The following RC3H1 variants were observed in gnomAD, a reference collection of about 807,000 sequenced individuals.
RC3H1 encodes the protein roquin-1.
RC3H1 carries 50 observed loss-of-function variants against 138.2 expected under a neutral mutation model. The ratio of observed to expected loss-of-function variants is 0.36; its 90% CI spans 0.29 to 0.46. RC3H1 has a LOEUF of 0.46. Among genes scored for constraint, RC3H1 ranks in the 20% least tolerant of loss-of-function variants. RC3H1 has a pLI of 1.00. For missense variants in RC3H1, 1,031 were observed against 1,388.1 expected (o/e 0.74, Z 4.09); for synonymous variants, 462 against 489.1 (o/e 0.94, Z 0.73).
At chr1:173,980,756 AT>A in intron 6 of RC3H1, 52 bp downstream of exon 6, 1 of 1,380,336 alleles carries the variant, frequency 7.2e-7, no homozygotes, top group Non-Finnish European at 1.0e-6. Flanking sequence ...TGTTAAATGA[AT>A]TACCAAAATG....
chr1:173,958,674 A>G (rs1264662680), intron 13 of RC3H1, among the ~76,000 whole-genome samples: 2 of 152,204 alleles, frequency 1.3e-5, no homozygotes, highest in Non-Finnish European at 2.9e-5. Context: ...CCATCTAGAC[A>G]TTAAGATAAT....
In RC3H1 at chr1:173,964,002, G is replaced by A. The variant is rs369067984; in HGVS notation, c.1802C>T (p.Pro601Leu). The A allele has an allele frequency of 4.1e-5, 66 of 1,613,966 alleles. No homozygotes were observed. Among genetic ancestry groups the A allele is most frequent in the South Asian group, 1.8e-4 (16 of 91,070 alleles). The change falls in exon 11 of 20, where the codon CCG becomes CTG. Residue 601 changes from proline (P) to leucine (L), a missense_variant. Transcript: ENST00000367696. ...VYYQDPRGAA[P>L]PFEPAPYQQG... is the part of the protein sequence containing the mutation. ...CTGATAAGGTGCTGGTTCAAATGGCGGAGCTGCTCCTCGAGGATCCTGATA... is the reference window on the plus strand; with the variant it reads ...CTGATAAGGTGCTGGTTCAAATGGCAGAGCTGCTCCTCGAGGATCCTGATA...
At chr1:173,964,235 G>A in intron 10 of RC3H1, 48 bp from the exon 11 acceptor site, 1 of 1,396,220 alleles carries the variant, frequency 7.2e-7, no homozygotes, top group Non-Finnish European at 1.0e-6. Flanking sequence ...CTTCTCATGT[G>A]CATAAATTGT....
chr1:173,940,971 GC>G (rs1658830758), intron 19 of RC3H1, among the ~76,000 whole-genome samples: 1 of 151,960 alleles, frequency 6.6e-6, no homozygotes, highest in Admixed American at 6.6e-5. Flanking sequence ...ACAGGCACAT[GC>G]CACCACACCA....
At chr1:174,015,224 A>G (rs1661838784) in intron 1 of RC3H1, among the ~76,000 whole-genome samples, 1 of 150,626 alleles carries the variant, frequency 6.6e-6, no homozygotes, top group Non-Finnish European at 1.5e-5. Flanking sequence ...GATTTAGTTC[A>G]TTAATTTTTC....
intron 18 of RC3H1, 87 bp downstream of exon 18, chr1:173,943,355 G>A (rs1658990704): frequency 1.5e-6 from 2 of 1,352,574 alleles, no homozygotes; most frequent in Non-Finnish European, 2.0e-6. Flanking sequence ...GTGCCTTGAA[G>A]TGATGATTCT....
chr1:173,961,678 A>G, intron 12 of RC3H1, 47 bp downstream of exon 12: 2 of 1,539,088 alleles, frequency 1.3e-6, no homozygotes, highest in Non-Finnish European at 1.8e-6. Context: ...AATCACAGCA[A>G]GCAACAGTCA....
chr1:173,967,819 T>C (rs1660186482), intron 9 of RC3H1, among the ~76,000 whole-genome samples: 1 of 152,220 alleles, frequency 6.6e-6, no homozygotes, highest in Non-Finnish European at 1.5e-5. Flanking sequence ...TCTTTTCCTT[T>C]ATGGATGCTG....
intron 1 of RC3H1, among the ~76,000 whole-genome samples, chr1:173,997,719 A>G (rs1483513654): frequency 6.6e-6 from 1 of 152,196 alleles, no homozygotes; most frequent in Non-Finnish European, 1.5e-5. Flanking sequence ...CCATAAATAC[A>G]GGTTTGAGAG....
intron 18 of RC3H1, among the ~76,000 whole-genome samples, chr1:173,942,245 A>C (rs115802439): frequency 0.033 from 4,913 of 150,656 alleles, 101 homozygotes; most frequent in Middle Eastern, 0.096. Context: ...CCGCCTCAAA[A>C]AAAAAAAACT....
At chr1:173,951,285 A>G (rs950624526) in intron 14 of RC3H1, among the ~76,000 whole-genome samples, 4 of 152,060 alleles carry the variant, frequency 2.6e-5, no homozygotes, top group African/African-American at 9.7e-5. Context: ...AGATCGCGCC[A>G]TTGAACTCCA....
At position 173,964,919 on chromosome 1, in the gene RC3H1, T is replaced by C; in HGVS notation, c.1536A>G (p.Thr512=). 6.2e-7 allele frequency: 1 copy of C among 1,614,176 alleles called. No individual in the cohort carries two copies. The highest frequency in any genetic ancestry group is 8.5e-7 in the Non-Finnish European group (1 of 1,180,020). Residue 512 remains threonine (T), a synonymous_variant, in exon 10 of 20, where the codon ACA becomes ACG. Transcript: ENST00000367696. ...TCAGACTAGAATCATAGCTGGGGTC[T>C]GTCCCTCGCGGAATAAGCTGTGTTA... is the stretch of plus-strand genomic sequence containing the variant. The part of the protein sequence containing the change: ...NTVTQLIPRG[T]DPSYDSSLKP...
intron 1 of RC3H1, among the ~76,000 whole-genome samples, chr1:174,006,368 G>A (rs925008892): frequency 6.6e-6 from 1 of 151,992 alleles, no homozygotes; most frequent in African/African-American, 2.4e-5. Context: ...GGAAAAGAAG[G>A]GCGTTTGACT....
At chr1:173,976,785 CA>C (rs1318296328) in intron 7 of RC3H1, among the ~76,000 whole-genome samples, 1 of 152,048 alleles carries the variant, frequency 6.6e-6, no homozygotes, top group Non-Finnish European at 1.5e-5. Context: ...ATTTTGGGAG[CA>C]AATCTATAAA....
intron 1 of RC3H1, among the ~76,000 whole-genome samples, chr1:174,003,334 C>A (rs1252415815): frequency 1.3e-5 from 2 of 151,058 alleles, no homozygotes; most frequent in Non-Finnish European, 2.9e-5. Context: ...TTGCAGTGAG[C>A]CGAGATTGAG....
At chr1:174,020,193 T>C (rs532814368) in intron 1 of RC3H1, among the ~76,000 whole-genome samples, 1 of 151,146 alleles carries the variant, frequency 6.6e-6, no homozygotes, top group African/African-American at 2.4e-5. Context: ...TTCTGAAATA[T>C]CTGCAAAAAA....
chr1:173,981,970 C>T (rs377298684), intron 5 of RC3H1, among the ~76,000 whole-genome samples: 5 of 151,848 alleles, frequency 3.3e-5, no homozygotes, highest in Non-Finnish European at 5.9e-5. Flanking sequence ...ATGTTTGAGG[C>T]GGTGCTTATT....
At position 173,961,883 on chromosome 1, in the gene RC3H1, T is replaced by G; in HGVS notation, c.2044A>C (p.Thr682Pro). ...GRRVYPAPSYTREEIFRESPI... is the reference protein window; with the variant it reads ...GRRVYPAPSYPREEIFRESPI... ...CTTTCTCGGAATATCTCTTCTCTTG[T>G]GTAAGACGGAGCAGGGTACACTCGA... The change falls in exon 12 of 20, where the codon ACA becomes CCA. Residue 682 changes from threonine (T) to proline (P), a missense_variant. Physicochemically the swap from Thr to Pro is conservative, Grantham distance 38. Around this residue, in one of 7 missense-constraint regions of RC3H1, gnomAD observed 716 missense variants for 837.9 expected, o/e 0.85. Coordinates refer to ENST00000367696, the MANE Select transcript of RC3H1 (RefSeq NM_172071.4). 6.2e-7 allele frequency: 1 copy of G among 1,614,176 alleles called. No individual in the cohort carries two copies. Among genetic ancestry groups the G allele is most frequent in the Non-Finnish European group, 8.5e-7 (1 of 1,180,028 alleles).
At position 173,941,270 on chromosome 1, in the gene RC3H1, T is replaced by G. The variant is rs779474915; in HGVS notation, c.3246A>C (p.Thr1082=). ...GACAATCTCCTTTTCTTTACCTGAA[T>G]GTCAATGTAAGGTCCTCAGCCGGAA... ...NKVPAEDLTL[T]FSDVPNGSAL... is the part of the protein sequence containing the mutation. Residue 1082 remains threonine (T), a synonymous_variant, in exon 19 of 20, where the codon ACA becomes ACC. Transcript: ENST00000367696. The G allele has an allele frequency of 6.2e-7, 1 of 1,600,096 alleles. No homozygotes were observed. Among genetic ancestry groups the G allele is most frequent in the Non-Finnish European group, 8.6e-7 (1 of 1,167,550 alleles).
Sources: allele counts gnomAD v4.1 joint callset (sites outside exome capture counted in the v4.1 genomes callset), GRCh38; gene constraint gnomAD v4.1.1; regional missense constraint gnomAD v4.1.1; transcripts MANE v1.5; gene names NCBI Gene and HGNC (gene_info 2026-07-23, HGNC 2026-07-21).